DLGAP1: variants seen among roughly 807,000 people sequenced by gnomAD.
DLGAP1 encodes the protein disks large-associated protein 1.
In DLGAP1, 11 loss-of-function variants were observed where a neutral mutation model predicts 90.8. The observed-to-expected ratio is 0.12, with a 90% confidence interval of 0.08 to 0.20. DLGAP1 has a LOEUF of 0.20. DLGAP1 is among the 10% of genes least tolerant of loss of function. The probability of loss-of-function intolerance (pLI) is 1.00; values close to 1 mark genes in which losing one functional copy is unlikely to be tolerated. For missense variants in DLGAP1, 1,050 were observed against 1,333.8 expected, an observed-to-expected ratio of 0.79 and a Z score of 3.31; for synonymous variants, 558 against 540.7, an observed-to-expected ratio of 1.03 and a Z score of -0.44.
intron 1 of DLGAP1, among the ~76,000 whole-genome samples, chr18:4,255,889 G>A (rs1338889545): frequency 6.6e-6 from 1 of 151,848 alleles, no homozygotes; most frequent in Non-Finnish European, 1.5e-5. Flanking sequence ...AAATCCTAAG[G>A]AAATTCAATA....
intron 9 of DLGAP1, among the ~76,000 whole-genome samples, chr18:3,535,808 G>A (rs1249688645): frequency 6.6e-6 from 1 of 152,112 alleles, no homozygotes; most frequent in Non-Finnish European, 1.5e-5. Context: ...GAGGCGGGCA[G>A]ATCATCTGAG....
intron 2 of DLGAP1, among the ~76,000 whole-genome samples, chr18:4,106,723 G>A (rs1471983190): frequency 1.3e-4 from 20 of 152,188 alleles, no homozygotes; most frequent in Admixed American, 1.2e-3. Context: ...AAAGTTGTAC[G>A]TAGAAGAATA....
chr18:3,521,671 G>A (rs1321321451), intron 10 of DLGAP1, among the ~76,000 whole-genome samples: 1 of 152,152 alleles, frequency 6.6e-6, no homozygotes, highest in Non-Finnish European at 1.5e-5. Context: ...CTGCATAGCT[G>A]TCTCTGCCTT....
intron 1 of DLGAP1, among the ~76,000 whole-genome samples, chr18:4,339,225 G>A (rs1425083827): frequency 6.6e-6 from 1 of 152,164 alleles, no homozygotes; most frequent in African/African-American, 2.4e-5. Flanking sequence ...CAGTTCATCA[G>A]AAGACCAAAC....
At position 3,508,641 on chromosome 18, in the gene DLGAP1, C is replaced by A; in HGVS notation, c.2500G>T (p.Ala834Ser). ...ATGAGAAGTTGGGCACTGCCCACTG[C>A]GGTTCGGATTTTTCCTAGAACTGGA... ...PEDILGKIRTAVGSAQLLMAQ... is the reference protein window; with the variant it reads ...PEDILGKIRTSVGSAQLLMAQ... Residue 834 changes from alanine to serine, a missense_variant, in exon 11 of 13, where the codon GCA becomes TCA. Ala to Ser is a moderately conservative substitution (Grantham distance 99, BLOSUM62 1). Coordinates refer to ENST00000315677, the MANE Select transcript of DLGAP1 (RefSeq NM_004746.4). 1.2e-6 allele frequency: 2 copies of A among 1,613,664 alleles called. No homozygotes were observed. The highest frequency in any genetic ancestry group is 1.7e-6 in the Non-Finnish European group (2 of 1,179,756).
At chr18:3,631,003 CTGAG>C (rs1256008286) in intron 7 of DLGAP1, among the ~76,000 whole-genome samples, 1 of 151,976 alleles carries the variant, frequency 6.6e-6, no homozygotes, top group Admixed American at 6.6e-5. Context: ...TTTTATGAGA[CTGAG>C]TCTCCTTCTG....
chr18:4,442,849 C>T lies in DLGAP1; in HGVS notation c.-267+12157G>A, dbSNP rs372588135. On this transcript the variant is annotated intron_variant, in intron 1 of 12. Transcript: ENST00000315677. ...TTATCTCTATTTTCTCCGACTGGGACGTATGCTCCATGGCTCCACAAGGGC... is the reference window on the plus strand; with the variant it reads ...TTATCTCTATTTTCTCCGACTGGGATGTATGCTCCATGGCTCCACAAGGGC... Among the ~76,000 whole-genome samples the T allele has an allele frequency of 2.8e-4, 43 of 152,308 alleles. 1 individual carries two copies. The highest frequency in any genetic ancestry group is 8.7e-4 in the African/African-American group (36 of 41,578).
At chr18:4,315,218 G>A (rs2080497867) in intron 1 of DLGAP1, among the ~76,000 whole-genome samples, 1 of 152,120 alleles carries the variant, frequency 6.6e-6, no homozygotes, top group Admixed American at 6.6e-5. Flanking sequence ...GTTGAAAGAA[G>A]GTGTTTATAC....
chr18:4,271,490 A>T (rs2079280992), intron 1 of DLGAP1, among the ~76,000 whole-genome samples: 1 of 152,348 alleles, frequency 6.6e-6, no homozygotes, highest in East Asian at 1.9e-4. Context: ...TTGGCCTACC[A>T]ATGGTGAATA....
intron 2 of DLGAP1, among the ~76,000 whole-genome samples, chr18:4,101,151 C>T (rs1173237653): frequency 4.6e-5 from 7 of 152,138 alleles, no homozygotes; most frequent in Non-Finnish European, 1.0e-4. Context: ...ACGTGGCTTC[C>T]TCACTAAGCT....
intron 7 of DLGAP1, among the ~76,000 whole-genome samples, chr18:3,694,217 G>A (rs533669012): frequency 7.2e-5 from 11 of 152,184 alleles, no homozygotes; most frequent in South Asian, 2.1e-4. Context: ...GGACACGAAC[G>A]CATCCATTTT....
chr18:3,805,095 C>T (rs2066501844), intron 5 of DLGAP1, among the ~76,000 whole-genome samples: 1 of 152,170 alleles, frequency 6.6e-6, no homozygotes, highest in African/African-American at 2.4e-5. Flanking sequence ...TAGTAGGTGG[C>T]CAAAACTGAT....
chr18:4,077,358 G>A (rs904389916), intron 2 of DLGAP1, among the ~76,000 whole-genome samples: 2 of 152,128 alleles, frequency 1.3e-5, no homozygotes, highest in African/African-American at 4.8e-5. Context: ...AGTTGCTATT[G>A]TTTGGATATG....
intron 2 of DLGAP1, among the ~76,000 whole-genome samples, chr18:4,017,788 C>T (rs1318543276): frequency 2.0e-5 from 3 of 151,874 alleles, no homozygotes; most frequent in Non-Finnish European, 4.4e-5. Context: ...TGCCAGTTAT[C>T]AATGTTTGCT....
chr18:3,586,332 G>A (rs2055883358), intron 7 of DLGAP1, among the ~76,000 whole-genome samples: 1 of 152,262 alleles, frequency 6.6e-6, no homozygotes, highest in South Asian at 2.1e-4. Flanking sequence ...TTGTTATACG[G>A]AGGGGCATTA....
At chr18:3,993,311 C>G (rs921528093) in intron 3 of DLGAP1, 1 of 152,098 alleles carries the variant, frequency 6.6e-6, no homozygotes, top group Non-Finnish European at 1.5e-5. Flanking sequence ...AGAAAAGAAA[C>G]AGAATAAATT....
At chr18:4,345,333 G>C (rs2081284205) in intron 1 of DLGAP1, among the ~76,000 whole-genome samples, 1 of 152,112 alleles carries the variant, frequency 6.6e-6, no homozygotes, top group African/African-American at 2.4e-5. Context: ...CCTGACTAGA[G>C]TAAAACTGGC....
intron 2 of DLGAP1, among the ~76,000 whole-genome samples, chr18:4,019,556 T>C (rs1369014093): frequency 6.6e-6 from 1 of 152,222 alleles, no homozygotes; most frequent in East Asian, 1.9e-4. Context: ...GGGAAGAATA[T>C]TCTGTCCATA....
chr18:3,666,368 TC>T (rs11365753), intron 7 of DLGAP1, among the ~76,000 whole-genome samples: 20,892 of 152,226 alleles, frequency 0.14, 1,630 homozygotes, highest in Non-Finnish European at 0.17. Context: ...AGTAAGGATT[TC>T]CACCTTTGCC....
Sources: gnomAD v4.1 joint callset for allele counts (sites outside exome capture counted in the v4.1 genomes callset) on GRCh38, gnomAD v4.1.1 for gene constraint, MANE v1.5 for transcripts, NCBI Gene and HGNC (gene_info 2026-07-23, HGNC 2026-07-21) for gene names.